The following ALK variants were observed in gnomAD, a reference collection of about 807,000 sequenced individuals.
The protein encoded by ALK is ALK receptor tyrosine kinase.
Under a neutral mutation model 163.1 loss-of-function variants are expected in ALK, and 74 were observed. That is an observed-to-expected ratio of 0.45 (90% CI 0.38 to 0.55). The LOEUF is 0.55. Ranked by LOEUF, ALK falls within the 20% of genes least tolerant of loss-of-function variation. The pLI is 0.00. For synonymous variants in ALK, 960 were observed against 843.2 expected, an observed-to-expected ratio of 1.14 and a Z score of -2.40; for missense variants, 2,063 against 2,105.3, an observed-to-expected ratio of 0.98 and a Z score of 0.39.
At chr2:29,634,121 T>A (rs1202770112) in intron 3 of ALK, among the ~76,000 whole-genome samples, 4 of 151,772 alleles carry the variant, frequency 2.6e-5, no homozygotes, top group African/African-American at 7.3e-5. Context: ...GTGCACATTT[T>A]TTTTTTTCGC....
chr2:29,439,596 T>C (rs537074091), intron 4 of ALK, among the ~76,000 whole-genome samples: 1 of 151,922 alleles, frequency 6.6e-6, no homozygotes, highest in Admixed American at 6.5e-5. Context: ...CCTGTGAATG[T>C]GACCACATAT....
chr2:29,703,948 C>T (rs1395330810), intron 2 of ALK, among the ~76,000 whole-genome samples: 1 of 152,164 alleles, frequency 6.6e-6, no homozygotes, highest in African/African-American at 2.4e-5. Context: ...GTCACCTCTT[C>T]AGGGAACACC....
At chr2:29,719,360 C>T (rs1403654599) in intron 1 of ALK, among the ~76,000 whole-genome samples, 1 of 152,150 alleles carries the variant, frequency 6.6e-6, no homozygotes, top group Non-Finnish European at 1.5e-5. Context: ...AGAGGAAATG[C>T]ACTGAAAGGG....
At chr2:29,860,392 G>GAA (rs61057760) in intron 1 of ALK, among the ~76,000 whole-genome samples, 34,056 of 109,892 alleles carry the variant, frequency 0.31, 4,767 homozygotes, top group East Asian at 0.49. Flanking sequence ...AGGAAAGGGA[G>GAA]AAAAAAAAAA....
At chr2:29,257,684 T>C (rs989605386) in intron 11 of ALK, among the ~76,000 whole-genome samples, 1 of 152,106 alleles carries the variant, frequency 6.6e-6, no homozygotes, top group African/African-American at 2.4e-5. Flanking sequence ...GTGGATCATT[T>C]GTACAATTTT....
intron 3 of ALK, among the ~76,000 whole-genome samples, chr2:29,572,190 C>T (rs1262320405): frequency 1.3e-5 from 2 of 152,196 alleles, no homozygotes; most frequent in African/African-American, 2.4e-5. Context: ...GCTGATGTCA[C>T]TTAAAGCCAT....
At chr2:29,433,559 T>G (rs1214182004) in intron 4 of ALK, among the ~76,000 whole-genome samples, 1 of 152,210 alleles carries the variant, frequency 6.6e-6, no homozygotes, top group Non-Finnish European at 1.5e-5. Flanking sequence ...AAAATGTATC[T>G]CTTTCCTCTT....
chr2:29,893,195 T>G (rs1248763545), intron 1 of ALK, among the ~76,000 whole-genome samples: 2 of 152,184 alleles, frequency 1.3e-5, no homozygotes, highest in Non-Finnish European at 2.9e-5. Flanking sequence ...TTTCAGCCAC[T>G]TTCCATTCAG....
chr2:29,854,227 ATAATT>A (rs2148402816), intron 1 of ALK, among the ~76,000 whole-genome samples: 1 of 152,056 alleles, frequency 6.6e-6, no homozygotes, highest in African/African-American at 2.4e-5. Context: ...ATGGATTAAT[ATAATT>A]TATTTAGGCA....
intron 7 of ALK, chr2:29,319,052 C>A (rs1214277545): frequency 5.2e-5 from 8 of 154,070 alleles, no homozygotes; most frequent in Non-Finnish European, 1.2e-4. Flanking sequence ...GTGACCTTCA[C>A]TCTCTTCTCC....
chr2:29,300,177 A>G (rs1239541697), intron 8 of ALK, among the ~76,000 whole-genome samples: 4 of 151,270 alleles, frequency 2.6e-5, no homozygotes, highest in Non-Finnish European at 2.9e-5. Flanking sequence ...AGGTAAATAG[A>G]CAATAGTAGG....
chr2:29,595,828 A>T lies in ALK; in HGVS notation c.953-63712T>A, dbSNP rs1041114755. On this transcript the variant is annotated intron_variant, in intron 3 of 28. Transcript: ENST00000389048. The stretch of plus-strand genomic sequence containing the variant: ...GGATAAAGTGGTAGCTCAGAAGGGG[A>T]GGCACAGGGAATAAGTTTTCTGAAG... Among the ~76,000 whole-genome samples the T allele has an allele frequency of 2.0e-5, 3 of 152,224 alleles. No homozygotes were observed. The East Asian group carries it at 5.8e-4, about 29-fold the overall frequency.
chr2:29,825,724 T>A (rs529672357), intron 1 of ALK, among the ~76,000 whole-genome samples: 3 of 152,026 alleles, frequency 2.0e-5, no homozygotes, highest in East Asian at 3.9e-4. Flanking sequence ...TTTTTTTTTT[T>A]AAATCGTTGT....
At chr2:29,539,111 A>C (rs1261772834) in intron 3 of ALK, among the ~76,000 whole-genome samples, 1 of 152,104 alleles carries the variant, frequency 6.6e-6, no homozygotes, top group Non-Finnish European at 1.5e-5. Flanking sequence ...AGAATGATTA[A>C]GTATTTTGTG....
At chr2:29,653,321 G>A (rs1677087017) in intron 3 of ALK, among the ~76,000 whole-genome samples, 1 of 152,082 alleles carries the variant, frequency 6.6e-6, no homozygotes. Flanking sequence ...GAGGGAAAAA[G>A]CCACCAGTTT....
intron 1 of ALK, among the ~76,000 whole-genome samples, chr2:29,834,615 A>G (rs922331417): frequency 2.0e-5 from 3 of 152,230 alleles, no homozygotes; most frequent in Non-Finnish European, 2.9e-5. Context: ...AAAAACTGAG[A>G]TTGCAATAGG....
chr2:29,399,652 C>A (rs1167544620), intron 4 of ALK, among the ~76,000 whole-genome samples: 1 of 152,154 alleles, frequency 6.6e-6, no homozygotes, highest in Non-Finnish European at 1.5e-5. Flanking sequence ...GGGGCTTGGC[C>A]ACCATGGTGT....
At chr2:29,251,646 C>T (rs560146712) in intron 11 of ALK, among the ~76,000 whole-genome samples, 27 of 152,312 alleles carry the variant, frequency 1.8e-4, no homozygotes, top group African/African-American at 5.8e-4. Flanking sequence ...GTGGGACAGG[C>T]GTAGGCAGTA....
At chr2:29,266,220 G>A (rs1015314019) in intron 11 of ALK, among the ~76,000 whole-genome samples, 7 of 152,162 alleles carry the variant, frequency 4.6e-5, no homozygotes, top group Non-Finnish European at 1.0e-4. Context: ...TCCCCCAAGG[G>A]GAGTTTGAGG....
Sources: allele counts gnomAD v4.1 joint callset (sites outside exome capture counted in the v4.1 genomes callset), GRCh38; gene constraint gnomAD v4.1.1; transcripts MANE v1.5; gene names NCBI Gene and HGNC (gene_info 2026-07-23, HGNC 2026-07-21).